The following BLTP3B variants were observed in gnomAD, a reference collection of about 807,000 sequenced individuals.
The protein encoded by BLTP3B is bridge-like lipid transfer protein family member 3B.
chr12:100,111,287 T>TC, the BLTP3B span, among the ~76,000 whole-genome samples: 14 of 124,522 alleles, frequency 1.1e-4, no homozygotes, highest in Non-Finnish European at 5.3e-5. Flanking sequence ...ATTTTTTTTT[T>TC]TTTTTTTTTT....
the BLTP3B span, among the ~76,000 whole-genome samples, chr12:100,123,078 G>A: frequency 6.6e-6 from 1 of 152,092 alleles, no homozygotes; most frequent in Admixed American, 6.6e-5. Context: ...GCAATTACTT[G>A]CCTTCTTACA....
At chr12:100,057,603 T>A in the BLTP3B span, 4 of 1,610,884 alleles carry the variant, frequency 2.5e-6, no homozygotes, top group Non-Finnish European at 3.4e-6. Flanking sequence ...ATCACTTCCA[T>A]CACTTTCTAA....
At chr12:100,057,773 T>C in the BLTP3B span, 1 of 1,553,790 alleles carries the variant, frequency 6.4e-7, no homozygotes, top group Non-Finnish European at 8.7e-7. Flanking sequence ...TAGAAAATTA[T>C]TACATATAGA....
At chr12:100,126,028 G>A in the BLTP3B span, among the ~76,000 whole-genome samples, 1 of 152,208 alleles carries the variant, frequency 6.6e-6, no homozygotes, top group Admixed American at 6.5e-5. Context: ...CACTTTGGGA[G>A]GCTGAGGTGG....
At chr12:100,048,188 G>C in the BLTP3B span, 1 of 1,582,338 alleles carries the variant, frequency 6.3e-7, no homozygotes, top group Non-Finnish European at 8.6e-7. Flanking sequence ...ACAGCTTTCT[G>C]ATCGGAACCT....
the BLTP3B span, among the ~76,000 whole-genome samples, chr12:100,125,335 C>CAAAA: frequency 6.7e-5 from 5 of 74,094 alleles, no homozygotes; most frequent in African/African-American, 2.2e-4. Flanking sequence ...GTTTCCATCT[C>CAAAA]AAAAAAAAAA....
At chr12:100,135,013 T>C in the BLTP3B span, among the ~76,000 whole-genome samples, 2 of 152,236 alleles carry the variant, frequency 1.3e-5, no homozygotes, top group African/African-American at 2.4e-5. Flanking sequence ...CCCACATGGC[T>C]GCCAGAGTGA....
the BLTP3B span, among the ~76,000 whole-genome samples, chr12:100,052,407 ACT>A: frequency 1.3e-5 from 2 of 152,090 alleles, no homozygotes; most frequent in Admixed American, 6.5e-5. Flanking sequence ...GCAAAAAGAC[ACT>A]CTGAAAAACA....
the BLTP3B span, chr12:100,102,774 T>G: frequency 6.2e-7 from 1 of 1,606,508 alleles, no homozygotes; most frequent in Non-Finnish European, 8.5e-7. Flanking sequence ...ACCTTTGTCC[T>G]GAAGCAGTTG....
chr12:100,047,445 G>A, the BLTP3B span: 1 of 981,738 alleles, frequency 1.0e-6, no homozygotes. Context: ...TTTGCAGTAG[G>A]CTGAGATCGT....
At chr12:100,040,681 G>A in the BLTP3B span, among the ~76,000 whole-genome samples, 4 of 152,124 alleles carry the variant, frequency 2.6e-5, no homozygotes, top group South Asian at 2.1e-4. Context: ...GCGAGACTCC[G>A]TCTCAAAAAC....
chr12:100,129,757 T>C, the BLTP3B span, among the ~76,000 whole-genome samples: 2 of 152,068 alleles, frequency 1.3e-5, no homozygotes, highest in African/African-American at 4.8e-5. Context: ...GCTGCAGGAA[T>C]AAGACAACAA....
the BLTP3B span, among the ~76,000 whole-genome samples, chr12:100,099,444 T>C: frequency 6.0e-3 from 908 of 151,236 alleles, 9 homozygotes; most frequent in African/African-American, 0.021. Context: ...CTGGGCAATA[T>C]AGCAAGATCC....
the BLTP3B span, chr12:100,058,013 A>G: frequency 6.5e-7 from 1 of 1,542,386 alleles, no homozygotes; most frequent in African/African-American, 1.4e-5. Context: ...TAAAAAGGCC[A>G]ATAAAATGTT....
chr12:100,069,854 T>C, the BLTP3B span: 11 of 710,978 alleles, frequency 1.5e-5, no homozygotes, highest in East Asian at 2.4e-4. Context: ...CAATAACCTA[T>C]GGAAATAAAA....
the BLTP3B span, among the ~76,000 whole-genome samples, chr12:100,053,442 A>G: frequency 6.6e-6 from 1 of 152,088 alleles, no homozygotes; most frequent in Non-Finnish European, 1.5e-5. Flanking sequence ...CAGAATAAAG[A>G]ATGAACTGCA....
the BLTP3B span, among the ~76,000 whole-genome samples, chr12:100,053,852 C>T: frequency 2.0e-5 from 3 of 152,080 alleles, no homozygotes; most frequent in Admixed American, 6.6e-5. Context: ...CTCCCTTATT[C>T]TCCTTTTTAA....
chr12:100,054,833 C>T, the BLTP3B span, among the ~76,000 whole-genome samples: 1 of 152,140 alleles, frequency 6.6e-6, no homozygotes, highest in Non-Finnish European at 1.5e-5. Context: ...ACAACTCTGC[C>T]TCTTACTACT....
the BLTP3B span, among the ~76,000 whole-genome samples, chr12:100,071,003 A>C: frequency 3.2e-4 from 48 of 152,298 alleles, no homozygotes; most frequent in African/African-American, 1.1e-3. Flanking sequence ...AGAAAAAAAA[A>C]CAACATATAT....
Sources: gnomAD v4.1 joint callset for allele counts (sites outside exome capture counted in the v4.1 genomes callset) on GRCh38, gnomAD v4.1.1 for gene constraint, MANE v1.5 for transcripts, NCBI Gene and HGNC (gene_info 2026-07-23, HGNC 2026-07-21) for gene names.